Variants in TEAD1 observed in about 807,000 individuals in gnomAD.
TEAD1 encodes transcriptional enhancer factor TEF-1.
A neutral mutation model predicts 54.9 loss-of-function variants in TEAD1; 9 were observed. The observed-to-expected ratio is 0.16, with a 90% CI of 0.10 to 0.29. The LOEUF is 0.29. TEAD1 is among the 10% of genes least tolerant of loss of function. The pLI is 1.00. For synonymous variants in TEAD1, 200 were observed against 187.8 expected, an observed-to-expected ratio of 1.07 and a Z score of -0.53; for missense variants, 387 against 535.9, an observed-to-expected ratio of 0.72 and a Z score of 2.74.
At chr11:12,779,487 C>T (rs1316779342) in intron 3 of TEAD1, among the ~76,000 whole-genome samples, 1 of 152,178 alleles carries the variant, frequency 6.6e-6, no homozygotes. Flanking sequence ...CCTCCATATC[C>T]TCATCTGGTC....
chr11:12,683,312 A>G (rs1943263949), intron 2 of TEAD1, among the ~76,000 whole-genome samples: 1 of 152,216 alleles, frequency 6.6e-6, no homozygotes, highest in African/African-American at 2.4e-5. Context: ...TGAAATGTTG[A>G]AACAACACGT....
At chr11:12,815,875 C>T (rs1946405024) in intron 3 of TEAD1, among the ~76,000 whole-genome samples, 1 of 152,212 alleles carries the variant, frequency 6.6e-6, no homozygotes, top group African/African-American at 2.4e-5. Flanking sequence ...TTTCCTGTTA[C>T]TTCATGGCTC....
intron 5 of TEAD1, among the ~76,000 whole-genome samples, chr11:12,875,178 T>C (rs1947829764): frequency 6.6e-6 from 1 of 152,212 alleles, no homozygotes; most frequent in Admixed American, 6.5e-5. Context: ...GGTGTACAAA[T>C]GTAGCATGTG....
At chr11:12,929,004 C>T (rs1215434735) in intron 11 of TEAD1, among the ~76,000 whole-genome samples, 1 of 152,034 alleles carries the variant, frequency 6.6e-6, no homozygotes, top group Non-Finnish European at 1.5e-5. Flanking sequence ...CTTGTGGCCT[C>T]CACCTTTTTC....
At chr11:12,720,071 C>T (rs139897519) in intron 2 of TEAD1, among the ~76,000 whole-genome samples, 1 of 138,786 alleles carries the variant, frequency 7.2e-6, no homozygotes, top group Non-Finnish European at 1.5e-5. Context: ...TGGCCTTGGT[C>T]TCTCCTGGTA....
chr11:12,772,017 A>G (rs1945321466), intron 3 of TEAD1, among the ~76,000 whole-genome samples: 1 of 152,198 alleles, frequency 6.6e-6, no homozygotes, highest in Non-Finnish European at 1.5e-5. Flanking sequence ...GTGATCAGCC[A>G]GGTTTGAGAG....
intron 12 of TEAD1, among the ~76,000 whole-genome samples, chr11:12,936,340 A>G (rs754077173): frequency 2.6e-5 from 4 of 152,168 alleles, no homozygotes; most frequent in African/African-American, 7.2e-5. Flanking sequence ...GTATTTCACA[A>G]TACATTTTGA....
At chr11:12,675,119 C>G (rs1468054802) in intron 1 of TEAD1, among the ~76,000 whole-genome samples, 1 of 147,864 alleles carries the variant, frequency 6.8e-6, no homozygotes, top group Admixed American at 6.7e-5. Flanking sequence ...CGCGCCGCGC[C>G]CCCCGCGCGC....
At chr11:12,895,486 C>T (rs7952069) in intron 9 of TEAD1, among the ~76,000 whole-genome samples, 108,966 of 151,552 alleles carry the variant, frequency 0.72, 41,829 homozygotes, top group Middle Eastern at 0.87. Flanking sequence ...CTGTCCTGAG[C>T]GTTTGAGCTG....
chr11:12,760,208 A>T (rs1403269927), intron 2 of TEAD1, among the ~76,000 whole-genome samples: 1 of 152,254 alleles, frequency 6.6e-6, no homozygotes, highest in African/African-American at 2.4e-5. Context: ...ATCTGTTCAT[A>T]GTTTTACAGA....
At chr11:12,874,634 G>C (rs1157593569) in intron 5 of TEAD1, among the ~76,000 whole-genome samples, 2 of 152,168 alleles carry the variant, frequency 1.3e-5, no homozygotes, top group Non-Finnish European at 2.9e-5. Flanking sequence ...ACCATTGAGT[G>C]TGGTGTGTTG....
At chr11:12,920,344 A>T (rs1449162343) in intron 10 of TEAD1, among the ~76,000 whole-genome samples, 1 of 152,202 alleles carries the variant, frequency 6.6e-6, no homozygotes, top group African/African-American at 2.4e-5. Context: ...TTAACATTTT[A>T]AAATTATATA....
rs186653026 is a variant in TEAD1 at position 12,851,296 on chromosome 11, C to T, written c.203-10954C>T. Among the ~76,000 whole-genome samples, 326 of 152,220 alleles carry T rather than the reference C, an allele frequency of 2.1e-3. 1 individual carries two copies. Among genetic ancestry groups the T allele is most frequent in the Admixed American group, 6.8e-3 (104 of 15,292 alleles). Reference sequence around the variant, plus strand: ...AAGATACAAAGTAGCAGATATGCGTCTAGAGGTCTAATGTACAACATAAGG... The same window carrying T: ...AAGATACAAAGTAGCAGATATGCGTTTAGAGGTCTAATGTACAACATAAGG... On this transcript the variant is annotated intron_variant, in intron 3 of 12. Transcript: ENST00000527636.
chr11:12,769,327 C>A (rs187232123), intron 3 of TEAD1, among the ~76,000 whole-genome samples: 1 of 152,094 alleles, frequency 6.6e-6, no homozygotes, highest in Non-Finnish European at 1.5e-5. Context: ...TTCTTTACTT[C>A]ATAGGAGCAG....
intron 5 of TEAD1, among the ~76,000 whole-genome samples, chr11:12,872,138 C>T (rs1278249757): frequency 6.6e-6 from 1 of 152,222 alleles, no homozygotes; most frequent in Non-Finnish European, 1.5e-5. Context: ...TCAAGAACTT[C>T]ACTGGGGCAT....
At chr11:12,904,878 G>A (rs1948492108) in intron 10 of TEAD1, 2 of 358,324 alleles carry the variant, frequency 5.6e-6, no homozygotes, top group South Asian at 2.4e-5. Flanking sequence ...ACCTGTTACG[G>A]CAAATTCAAA....
At chr11:12,924,028 G>A (rs1009861362) in intron 10 of TEAD1, among the ~76,000 whole-genome samples, 2 of 152,184 alleles carry the variant, frequency 1.3e-5, no homozygotes, top group Non-Finnish European at 2.9e-5. Flanking sequence ...AGGCTTTCAA[G>A]GGAGTATCCA....
intron 3 of TEAD1, among the ~76,000 whole-genome samples, chr11:12,796,293 G>T (rs1945919750): frequency 6.6e-6 from 1 of 152,158 alleles, no homozygotes; most frequent in Admixed American, 6.5e-5. Context: ...AGTGCTTGTT[G>T]AATTAAATTG....
rs555458195 is a variant in TEAD1 at position 12,943,931 on chromosome 11, G to A, written c.*6709G>A. On this transcript the variant is annotated 3_prime_UTR_variant, in exon 13 of 13. Transcript: ENST00000527636. ...AAAAAAGTAAAAACAAAAACAGTAT[G>A]TGCCTGAAAATGACAAAAAAAAAAT... 219 of 145,296 alleles carry A rather than the reference G, an allele frequency of 1.5e-3. No individual in the cohort carries two copies. The highest frequency in any genetic ancestry group is 5.3e-3 in the African/African-American group (202 of 37,776). The allele number at this position is 145,296 out of a possible 1,614,324, so 9.0% of individuals were successfully genotyped here. A position where few individuals can be genotyped will look rare whatever the true frequency, so the allele number is the denominator to read the frequency against.
Sources: allele counts gnomAD v4.1 joint callset (sites outside exome capture counted in the v4.1 genomes callset), GRCh38; gene constraint gnomAD v4.1.1; transcripts MANE v1.5; gene names NCBI Gene and HGNC (gene_info 2026-07-23, HGNC 2026-07-21).